TOR1AIP2: variants seen among roughly 807,000 people sequenced by gnomAD.
The protein encoded by TOR1AIP2 is torsin 1A interacting protein 2.
TOR1AIP2 carries 20 observed loss-of-function variants against 32.6 expected under a neutral mutation model. The observed-to-expected ratio is 0.61, with a 90% confidence interval of 0.43 to 0.89. The LOEUF is 0.89. TOR1AIP2 is among the 40% of genes least tolerant of loss of function. TOR1AIP2 has a pLI of 0.00. For synonymous variants in TOR1AIP2, 214 were observed against 210.8 expected, an observed-to-expected ratio of 1.02 and a Z score of -0.13; for missense variants, 456 against 553.8, an observed-to-expected ratio of 0.82 and a Z score of 1.77.
intron 3 of TOR1AIP2, chr1:179,859,214 G>T: frequency 1.0e-6 from 1 of 968,698 alleles, no homozygotes; most frequent in Non-Finnish European, 1.2e-6. Flanking sequence ...TTTATTGAGT[G>T]CCTTCTTTGT....
intron 3 of TOR1AIP2, chr1:179,859,616 G>A: frequency 1.0e-6 from 1 of 985,282 alleles, no homozygotes; most frequent in Non-Finnish European, 1.2e-6. Flanking sequence ...TCAGTGTTGT[G>A]GAAAGTCTCA....
At position 179,861,117 on chromosome 1, in the gene TOR1AIP2, T is replaced by C. The variant is rs928050922; in HGVS notation, c.-147+4319A>G. On this transcript the variant is annotated intron_variant, in intron 3 of 6. Coordinates refer to ENST00000609928, the MANE Select transcript of TOR1AIP2 (RefSeq NM_001199260.2). The stretch of plus-strand genomic sequence containing the variant: ...TAACAGGGAGTAGTTATAATGGTCA[T>C]TTTAGAAATGCTACCATAACATATA... The C allele has an allele frequency of 6.0e-5, 59 of 985,332 alleles. No homozygotes were observed. The African/African-American group carries it at 1.0e-3, about 17-fold the overall frequency. The allele number at this position is 985,332 out of a possible 1,614,324, so 61.0% of individuals were successfully genotyped here. A position where few individuals can be genotyped will look rare whatever the true frequency, so the allele number is the denominator to read the frequency against.
chr1:179,848,405 T>C (rs545442260), intron 5 of TOR1AIP2, among the ~76,000 whole-genome samples: 1 of 152,306 alleles, frequency 6.6e-6, no homozygotes, highest in South Asian at 2.1e-4. Flanking sequence ...TAGGAGAGAT[T>C]AGTGTACAGT....
chr1:179,847,924 G>A (rs940560486), intron 5 of TOR1AIP2, among the ~76,000 whole-genome samples: 5 of 151,742 alleles, frequency 3.3e-5, no homozygotes, highest in East Asian at 1.9e-4. Context: ...TCCCAGCTAC[G>A]TGGGAGGCTG....
chr1:179,854,951 TAGAG>T (rs1343500332), intron 3 of TOR1AIP2, among the ~76,000 whole-genome samples: 3 of 151,990 alleles, frequency 2.0e-5, no homozygotes, highest in Admixed American at 2.0e-4. Context: ...GTATACAGAA[TAGAG>T]AGTCAAGAAA....
intron 2 of TOR1AIP2, chr1:179,875,290 A>C (rs989711029): frequency 3.3e-5 from 5 of 152,404 alleles, no homozygotes; most frequent in African/African-American, 1.2e-4. Flanking sequence ...GGCGTGAGCC[A>C]CTGCACCCAG....
intron 3 of TOR1AIP2, among the ~76,000 whole-genome samples, chr1:179,854,977 A>T (rs191033687): frequency 6.6e-6 from 1 of 152,304 alleles, no homozygotes; most frequent in Admixed American, 6.5e-5. Context: ...ATATGCATAC[A>T]TACATAAGGA....
intron 3 of TOR1AIP2, chr1:179,860,012 T>C (rs182308445): frequency 2.5e-4 from 171 of 682,254 alleles, no homozygotes; most frequent in African/African-American, 1.7e-3. Context: ...AATTTTTTTC[T>C]TTTTAAAACT....
rs549948937 is a variant in TOR1AIP2, at chr1:179,877,762, C to G, written c.-770G>C. On this transcript the variant is annotated 5_prime_UTR_variant, in exon 1 of 7. Transcript: ENST00000609928. ...GAGCCCTTCGAGTATTCTCTCCGCT[C>G]CACACCGCTCGGCTGCACCCAGCGG... 2.6e-5 allele frequency: 4 copies of G among 152,302 alleles called. No individual in the cohort carries two copies. In the East Asian group the frequency reaches 7.7e-4, roughly 29 times the overall value. The allele number at this position is 152,302 out of a possible 1,614,324, so 9.4% of individuals were successfully genotyped here.
rs1034904484 is a variant in TOR1AIP2, at chr1:179,842,432, G to C, written c.*3639C>G. The C allele has an allele frequency of 1.3e-5, 2 of 152,172 alleles. No individual in the cohort carries two copies. The highest frequency in any genetic ancestry group is 2.9e-5 in the Non-Finnish European group (2 of 68,036). The allele number at this position is 152,172 out of a possible 1,614,324, so 9.4% of individuals were successfully genotyped here. A position where few individuals can be genotyped will look rare whatever the true frequency, so the allele number is the denominator to read the frequency against. On this transcript the variant is annotated 3_prime_UTR_variant, in exon 7 of 7. Transcript: ENST00000609928. ...TATTTTAGTGATATGAACACCTTTA[G>C]TGATATGAACTTGTCCGCCAACTCC... is the stretch of plus-strand genomic sequence containing the variant.
intron 4 of TOR1AIP2, 55 bp downstream of exon 4, chr1:179,852,577 G>A: frequency 1.3e-6 from 2 of 1,588,622 alleles, no homozygotes; most frequent in Non-Finnish European, 1.7e-6. Context: ...TTCTCTCTCT[G>A]CACACCCCTG....
intron 3 of TOR1AIP2, among the ~76,000 whole-genome samples, chr1:179,855,066 A>G (rs942946531): frequency 4.6e-5 from 7 of 152,186 alleles, no homozygotes; most frequent in Admixed American, 1.3e-4. Flanking sequence ...AAATAGGGGG[A>G]AAAATTAGAT....
At chr1:179,864,196 T>A in intron 3 of TOR1AIP2, 2 of 985,462 alleles carry the variant, frequency 2.0e-6, no homozygotes. Flanking sequence ...TTATCAATAA[T>A]CTCACAGCCA....
intron 3 of TOR1AIP2, among the ~76,000 whole-genome samples, chr1:179,855,357 G>T (rs1177795000): frequency 6.6e-6 from 1 of 152,062 alleles, no homozygotes; most frequent in Admixed American, 6.5e-5. Context: ...AACACATAAA[G>T]AATTCCACAA....
intron 3 of TOR1AIP2, chr1:179,863,785 T>C: frequency 2.0e-6 from 2 of 985,236 alleles, no homozygotes; most frequent in Non-Finnish European, 2.4e-6. Context: ...CCTAGATACC[T>C]GGCATGTTAA....
chr1:179,877,243 T>C lies in TOR1AIP2; in HGVS notation c.-570A>G, dbSNP rs924052646. ...AAAAATATACCCCCAACCTACCTCG[T>C]TTACTGTTTGAGTGAGGCCAGGCGT... On this transcript the variant is annotated 5_prime_UTR_variant, in exon 2 of 7. Transcript: ENST00000609928. 9 of 152,112 alleles carry C rather than the reference T, an allele frequency of 5.9e-5. No homozygotes were observed. Among genetic ancestry groups the C allele is most frequent in the Admixed American group, 2.6e-4 (4 of 15,260 alleles). The allele number at this position is 152,112 out of a possible 1,614,324, so 9.4% of individuals were successfully genotyped here.
At chr1:179,862,612 T>C in intron 3 of TOR1AIP2, 1 of 985,374 alleles carries the variant, frequency 1.0e-6, no homozygotes, top group South Asian at 4.7e-5. Flanking sequence ...CCAACAGCCA[T>C]TCATTCCTCA....
intron 2 of TOR1AIP2, among the ~76,000 whole-genome samples, chr1:179,870,511 T>C (rs1696974964): frequency 6.6e-6 from 1 of 152,228 alleles, no homozygotes; most frequent in African/African-American, 2.4e-5. Context: ...TTAGGCACTA[T>C]GGTTCCTAAC....
intron 4 of TOR1AIP2, among the ~76,000 whole-genome samples, chr1:179,852,278 G>A (rs996707393): frequency 1.4e-5 from 2 of 147,616 alleles, no homozygotes; most frequent in African/African-American, 4.9e-5. Context: ...AAAAAAAAAA[G>A]GAGAAGAAGA....
Sources: allele counts gnomAD v4.1 joint callset (sites outside exome capture counted in the v4.1 genomes callset), GRCh38; gene constraint gnomAD v4.1.1; transcripts MANE v1.5; gene names NCBI Gene and HGNC (gene_info 2026-07-23, HGNC 2026-07-21).